The following OGDH variants were observed in gnomAD, a reference collection of about 807,000 sequenced individuals.
OGDH encodes 2-oxoglutarate dehydrogenase complex component E1.
A neutral mutation model predicts 116.6 loss-of-function variants in OGDH; 38 were observed. The observed-to-expected ratio is 0.33, with a 90% CI of 0.25 to 0.43. The LOEUF (loss-of-function observed/expected upper bound fraction) is 0.43, where lower values mean the gene tolerates loss of function less well. Among genes scored for constraint, OGDH ranks in the 20% least tolerant of loss-of-function variants. The pLI is 1.00. For missense variants in OGDH, 825 were observed against 1,357.2 expected (o/e 0.61, Z 6.16); for synonymous variants, 488 against 533.3 (o/e 0.92, Z 1.17).
At chr7:44,633,169 C>T (rs544927927) in intron 2 of OGDH, among the ~76,000 whole-genome samples, 36 of 143,268 alleles carry the variant, frequency 2.5e-4, no homozygotes, top group African/African-American at 7.2e-4. Flanking sequence ...AGGAGAATGG[C>T]GTGAACCTGG....
At chr7:44,642,601 C>T (rs990617519) in intron 2 of OGDH, among the ~76,000 whole-genome samples, 1 of 152,064 alleles carries the variant, frequency 6.6e-6, no homozygotes, top group African/African-American at 2.4e-5. Flanking sequence ...AGGTAAAAAC[C>T]GTAAAACCTC....
chr7:44,607,444 C>T (rs1303577698), intron 1 of OGDH, among the ~76,000 whole-genome samples: 1 of 152,144 alleles, frequency 6.6e-6, no homozygotes, highest in African/African-American at 2.4e-5. Context: ...GAACATAGGA[C>T]TTCGTGTTAG....
At chr7:44,611,965 C>T (rs1784584407) in intron 1 of OGDH, among the ~76,000 whole-genome samples, 1 of 151,934 alleles carries the variant, frequency 6.6e-6, no homozygotes, top group Admixed American at 6.6e-5. Flanking sequence ...TACATGTGCA[C>T]AACATGCAGG....
intron 2 of OGDH, 106 bp from the exon 3 acceptor site, chr7:44,645,221 C>A (rs1204646669): frequency 2.9e-6 from 3 of 1,026,752 alleles, no homozygotes; most frequent in Admixed American, 4.1e-5. Context: ...GCTCAGCCAG[C>A]CTATGGTAGA....
chr7:44,624,631 A>G, intron 2 of OGDH, 66 bp downstream of exon 2: 5 of 1,418,376 alleles, frequency 3.5e-6, no homozygotes, highest in Non-Finnish European at 5.0e-6. Context: ...ACTGGTCACC[A>G]GGTAAGTGTG....
chr7:44,630,665 C>CG lies in OGDH; in HGVS notation c.222+6101dup, dbSNP rs564258692. Among the ~76,000 whole-genome samples, 139 of 152,286 alleles carry CG rather than the reference C, an allele frequency of 9.1e-4. 1 individual carries two copies. Among genetic ancestry groups the CG allele is most frequent in the African/African-American group, 3.2e-3 (131 of 41,560 alleles). ...TATAAAATGAAATATAAACTATGCA[C>CG]GTTCTCCCATATACTTTAAATCATC... On this transcript the variant is annotated intron_variant, in intron 2 of 22. Transcript: ENST00000222673.
intron 9 of OGDH, among the ~76,000 whole-genome samples, chr7:44,679,183 AGACT>A (rs1485981839): frequency 2.0e-5 from 3 of 152,224 alleles, no homozygotes; most frequent in Non-Finnish European, 4.4e-5. Context: ...GACAAGAGGA[AGACT>A]GACTACAGGT....
Position 44,696,432 on chromosome 7 carries a change from T to G in OGDH, c.1775T>G (p.Phe592Cys). The change falls in exon 14 of 23, where the codon TTC (phenylalanine) becomes TGC (cysteine). Residue 592 changes from phenylalanine (F) to cysteine (C), a missense_variant. Around this residue, in one of 7 missense-constraint regions of OGDH, gnomAD observed 92 missense variants for 129.7 expected, o/e 0.71. Coordinates refer to ENST00000222673, the MANE Select transcript of OGDH (RefSeq NM_002541.4). ...TCAGTTGTTCTTCTTCTCCTAGGCT[T>G]CTTCACCCTGGACGGGCAGCCCAGG... ...KHWLDSPWPG[F>C]FTLDGQPRSM... The G allele has an allele frequency of 6.2e-7, 1 of 1,612,806 alleles. No individual in the cohort carries two copies. Among genetic ancestry groups the G allele is most frequent in the Non-Finnish European group, 8.5e-7 (1 of 1,179,608 alleles).
At position 44,698,282 on chromosome 7, in the gene OGDH, G is replaced by A. The variant is rs1402772930; in HGVS notation, c.2430+19G>A. 1.2e-6 allele frequency: 2 copies of A among 1,612,288 alleles called. No individual in the cohort carries two copies. The highest frequency in any genetic ancestry group is 1.7e-6 in the Non-Finnish European group (2 of 1,179,086). ...CCTGCCAGTGAGTAATACAGGCCCTGTCAGCCCAGCCATTCTCGGGGTGTC... is the reference window on the plus strand; with the variant it reads ...CCTGCCAGTGAGTAATACAGGCCCTATCAGCCCAGCCATTCTCGGGGTGTC... On this transcript the variant is annotated intron_variant, in intron 18 of 22. Transcript: ENST00000222673.
chr7:44,697,172 T>C lies in OGDH; in HGVS notation c.2051+108T>C. On this transcript the variant is annotated intron_variant, in intron 15 of 22. Coordinates refer to ENST00000222673, the MANE Select transcript of OGDH (RefSeq NM_002541.4). The surrounding 1 kb of genome is among the most constrained non-coding windows in gnomAD (Gnocchi z 6.0). ...CGGTTAGAAACCGGAAGAGTCACATTGCTCTCAGGCTGAAAACCTCTGTCC... is the reference window on the plus strand; with the variant it reads ...CGGTTAGAAACCGGAAGAGTCACATCGCTCTCAGGCTGAAAACCTCTGTCC... 3 of 1,506,290 alleles carry C rather than the reference T, an allele frequency of 2.0e-6. No homozygotes were observed. Among genetic ancestry groups the C allele is most frequent in the Non-Finnish European group, 2.7e-6 (3 of 1,108,172 alleles). The allele number at this position is 1,506,290 out of a possible 1,614,324, so 93.3% of individuals were successfully genotyped here.
In OGDH at chr7:44,698,933, C is replaced by G. The variant is rs1332376349; in HGVS notation, c.2430+670C>G. Among the ~76,000 whole-genome samples the G allele has an allele frequency of 2.6e-5, 4 of 151,900 alleles. No homozygotes were observed. The East Asian group carries it at 7.8e-4, about 29-fold the overall frequency. On this transcript the variant is annotated intron_variant, in intron 18 of 22. Transcript: ENST00000222673. ...GGCCCAGGCAGGCGGATCATGAGGTCAGGAGTTTGAGACCAGCCTGGCCAA... is the reference window on the plus strand; with the variant it reads ...GGCCCAGGCAGGCGGATCATGAGGTGAGGAGTTTGAGACCAGCCTGGCCAA...
chr7:44,609,244 G>A (rs925207798), intron 1 of OGDH, among the ~76,000 whole-genome samples: 2 of 148,936 alleles, frequency 1.3e-5, no homozygotes, highest in Non-Finnish European at 3.0e-5. Flanking sequence ...AGTGGCTTAC[G>A]CCTGTAATCC....
chr7:44,667,989 G>C (rs929509153), intron 5 of OGDH, among the ~76,000 whole-genome samples: 5 of 152,158 alleles, frequency 3.3e-5, no homozygotes, highest in Admixed American at 6.5e-5. Flanking sequence ...GAACCACCTG[G>C]AGAGCTTACA....
At chr7:44,641,188 A>C (rs1156699496) in intron 2 of OGDH, among the ~76,000 whole-genome samples, 13 of 134,896 alleles carry the variant, frequency 9.6e-5, no homozygotes, top group Admixed American at 6.8e-4. Context: ...AGCATGAGCC[A>C]CCAAGCCCAG....
rs1197424086 is a variant in OGDH, at chr7:44,656,253, T to A, written c.517+8494T>A. ...AGGGTTTTGGTGTTTGGGTCTTTTT[T>A]AAACTAACTCTCACCTGTCTTTTTC... On this transcript the variant is annotated intron_variant, in intron 4 of 22. Transcript: ENST00000222673. The A allele has an allele frequency of 9.9e-6, 15 of 1,512,122 alleles. No homozygotes were observed. The African/African-American group carries it at 1.9e-4, about 19-fold the overall frequency. The allele number at this position is 1,512,122 out of a possible 1,614,324, so 93.7% of individuals were successfully genotyped here. A position where few individuals can be genotyped will look rare whatever the true frequency, so the allele number is the denominator to read the frequency against.
In OGDH at chr7:44,694,451, G is replaced by A; in HGVS notation, c.1543G>A (p.Glu515Lys). 2 of 1,613,898 alleles carry A rather than the reference G, an allele frequency of 1.2e-6. No individual in the cohort carries two copies. Among genetic ancestry groups the A allele is most frequent in the Non-Finnish European group, 8.5e-7 (1 of 1,179,990 alleles). The change falls in exon 12 of 23, where the codon GAG becomes AAG. Residue 515 changes from glutamate (E) to lysine (K), a missense_variant. Coordinates refer to ENST00000222673, the MANE Select transcript of OGDH (RefSeq NM_002541.4). The surrounding 1 kb of genome is among the most constrained non-coding windows in gnomAD (Gnocchi z 4.2). ...LVCYRRNGHN[E>K]MDEPMFTQPL... is the part of the protein sequence containing the mutation. ...GTGTTACCGGCGCAACGGCCACAAC[G>A]AGATGGATGAGCCCATGTTCACGCA... is the stretch of plus-strand genomic sequence containing the variant.
intron 10 of OGDH, among the ~76,000 whole-genome samples, chr7:44,683,846 C>T (rs1259859524): frequency 1.3e-5 from 2 of 152,162 alleles, no homozygotes; most frequent in African/African-American, 4.8e-5. Flanking sequence ...AAGGGTTCCC[C>T]TCATCGATGC....
At chr7:44,657,718 C>A (rs1786754856) in intron 4 of OGDH, among the ~76,000 whole-genome samples, 2 of 152,254 alleles carry the variant, frequency 1.3e-5, no homozygotes, top group South Asian at 4.1e-4. Context: ...CCCTAGATCC[C>A]CAAAATGTTC....
Position 44,694,961 on chromosome 7 carries a change from A to T in OGDH, c.1668+385A>T, listed in dbSNP as rs112037885. 0.011 allele frequency among the ~76,000 whole-genome samples: 1,606 copies of T among 152,296 alleles called. 10 individuals carry two copies. The highest frequency in any genetic ancestry group is 0.015 in the Non-Finnish European group (1,044 of 68,032). ...TTGGTTGTGAGTGGGAAGGCCAAGC[A>T]GCTGCCCTAGAGAGGGAGAGGGTGG... is the stretch of plus-strand genomic sequence containing the variant. On this transcript the variant is annotated intron_variant, in intron 12 of 22. Transcript: ENST00000222673. This position sits in a 1 kb window ranked among gnomAD's most constrained non-coding sequence, Gnocchi z 4.2.
Sources: allele counts gnomAD v4.1 joint callset (sites outside exome capture counted in the v4.1 genomes callset), GRCh38; gene constraint gnomAD v4.1.1; regional missense constraint gnomAD v4.1.1; non-coding constraint Gnocchi (gnomAD v3.1); transcripts MANE v1.5; gene names NCBI Gene and HGNC (gene_info 2026-07-23, HGNC 2026-07-21).